Variants in CEP350 observed in about 807,000 individuals in gnomAD.
CEP350 encodes centrosome-associated protein 350.
CEP350 carries 126 observed loss-of-function variants against 331.8 expected under a neutral mutation model. The observed-to-expected ratio is 0.38, with a 90% CI of 0.33 to 0.44. CEP350 has a LOEUF of 0.44. CEP350 is among the 20% of genes least tolerant of loss of function. The pLI, the probability that CEP350 is intolerant of heterozygous loss-of-function variation, is 1.00. For synonymous variants in CEP350, 1,200 were observed against 1,259.5 expected, an observed-to-expected ratio of 0.95 and a Z score of 1.00; for missense variants, 3,406 against 3,634.6, an observed-to-expected ratio of 0.94 and a Z score of 1.62.
intron 27 of CEP350, among the ~76,000 whole-genome samples, chr1:180,065,966 C>T (rs1039017855): frequency 3.3e-5 from 5 of 152,102 alleles, no homozygotes; most frequent in Non-Finnish European, 7.4e-5. Context: ...TGGCATCTCT[C>T]AGGCTTATTC....
chr1:180,103,041 C>T (rs889013808), intron 37 of CEP350, among the ~76,000 whole-genome samples: 1 of 152,172 alleles, frequency 6.6e-6, no homozygotes, highest in South Asian at 2.1e-4. Flanking sequence ...AAAGGAAAAG[C>T]GGTGGACCGC....
intron 31 of CEP350, chr1:180,084,390 A>C (rs1659735985): frequency 2.9e-6 from 1 of 339,162 alleles, no homozygotes. Context: ...TTTGAGATGG[A>C]ATCTCGCTCT....
chr1:179,978,647 T>G (rs1652053768), intron 1 of CEP350, among the ~76,000 whole-genome samples: 1 of 152,168 alleles, frequency 6.6e-6, no homozygotes, highest in Non-Finnish European at 1.5e-5. Flanking sequence ...TAGCTTTCTG[T>G]TCCTGGCTTA....
At chr1:180,044,937 A>T (rs1488023304) in intron 21 of CEP350, among the ~76,000 whole-genome samples, 1 of 151,656 alleles carries the variant, frequency 6.6e-6, no homozygotes, top group Non-Finnish European at 1.5e-5. Flanking sequence ...ATAAATAATG[A>T]TACATCAAGG....
At chr1:180,010,769 T>A (rs1377137430) in intron 8 of CEP350, among the ~76,000 whole-genome samples, 1 of 151,672 alleles carries the variant, frequency 6.6e-6, no homozygotes, top group Non-Finnish European at 1.5e-5. Flanking sequence ...ACCCAGCTAA[T>A]TTTTTTTAAT....
Position 180,013,989 on chromosome 1 carries a change from G to A in CEP350, c.1536G>A (p.Lys512=), listed in dbSNP as rs747213951. 3.7e-6 allele frequency: 6 copies of A among 1,613,786 alleles called. No individual in the cohort carries two copies. Among genetic ancestry groups the A allele is most frequent in the Non-Finnish European group, 4.2e-6 (5 of 1,179,782 alleles). Residue 512 remains lysine (K), a synonymous_variant, in exon 10 of 38, where the codon AAG becomes AAA. Coordinates refer to ENST00000367607, the MANE Select transcript of CEP350 (RefSeq NM_014810.5). ...TAGCTTCATCTCTTCCAGATAATAA[G>A]CAGGAGGAAAATACTGCCTTAAATA... The part of the protein sequence containing the change: ...KKLASSLPDN[K]QEENTALNKD...
intron 7 of CEP350, among the ~76,000 whole-genome samples, chr1:180,005,330 G>A (rs2148764203): frequency 6.6e-6 from 1 of 151,962 alleles, no homozygotes; most frequent in East Asian, 1.9e-4. Flanking sequence ...TGCTACTCTG[G>A]TAGTGTCTCC....
At chr1:179,974,297 G>A (rs145985786) in intron 1 of CEP350, among the ~76,000 whole-genome samples, 3,161 of 152,184 alleles carry the variant, frequency 0.021, 47 homozygotes, top group Middle Eastern at 0.058. Flanking sequence ...AGCCAGGATG[G>A]TCTCGATCTC....
chr1:179,998,297 T>TATTA (rs149343354), intron 6 of CEP350, among the ~76,000 whole-genome samples: 19,744 of 145,736 alleles, frequency 0.14, 1,447 homozygotes, highest in African/African-American at 0.16. Flanking sequence ...TTGTTTCTTC[T>TATTA]ATTTTCTTTT....
At chr1:180,106,242 A>G (rs1661132918) in intron 37 of CEP350, among the ~76,000 whole-genome samples, 1 of 152,194 alleles carries the variant, frequency 6.6e-6, no homozygotes, top group African/African-American at 2.4e-5. Flanking sequence ...AGTCTCCTTT[A>G]TAGCCTGGGA....
chr1:180,016,253 G>T (rs1391682678), intron 11 of CEP350, among the ~76,000 whole-genome samples: 1 of 152,200 alleles, frequency 6.6e-6, no homozygotes, highest in Non-Finnish European at 1.5e-5. Flanking sequence ...AAGTGTGTTG[G>T]ATGAATGAAT....
intron 1 of CEP350, among the ~76,000 whole-genome samples, chr1:179,963,012 G>C (rs561314438): frequency 7.6e-4 from 116 of 152,204 alleles, no homozygotes; most frequent in African/African-American, 2.7e-3. Flanking sequence ...ATTCTGACTG[G>C]TGTGAGATGG....
At chr1:180,013,350 C>T (rs1214255554) in intron 9 of CEP350, among the ~76,000 whole-genome samples, 1 of 152,062 alleles carries the variant, frequency 6.6e-6, no homozygotes, top group Non-Finnish European at 1.5e-5. Context: ...ATTTTCAGTG[C>T]CATTATTATT....
At chr1:180,023,755 T>G (rs887522925) in intron 13 of CEP350, among the ~76,000 whole-genome samples, 2 of 152,232 alleles carry the variant, frequency 1.3e-5, no homozygotes, top group African/African-American at 4.8e-5. Flanking sequence ...CAGACTTCGT[T>G]GGAGAGAATT....
intron 11 of CEP350, among the ~76,000 whole-genome samples, chr1:180,018,470 A>G (rs1655108837): frequency 6.6e-6 from 1 of 152,190 alleles, no homozygotes; most frequent in Non-Finnish European, 1.5e-5. Flanking sequence ...CTTCCCTTGT[A>G]TTCCTATTAC....
chr1:179,959,702 C>G (rs1650444915), intron 1 of CEP350, among the ~76,000 whole-genome samples: 1 of 152,042 alleles, frequency 6.6e-6, no homozygotes, highest in African/African-American at 2.4e-5. Context: ...TGCAGTGAGC[C>G]AAGATTGCAC....
At chr1:180,080,388 A>T in intron 29 of CEP350, 129 bp from the exon 30 acceptor site, 1 of 774,796 alleles carries the variant, frequency 1.3e-6, no homozygotes, top group Non-Finnish European at 2.0e-6. Flanking sequence ...AACTTTTTTC[A>T]CTTATGTCTT....
Position 180,094,084 on chromosome 1 carries a change from A to G in CEP350, c.7979A>G (p.Gln2660Arg). The change falls in exon 34 of 38, where the codon CAG (glutamine) becomes CGG (arginine). Residue 2660 changes from glutamine to arginine, a missense_variant. Gln to Arg is a conservative substitution (Grantham distance 43). Transcript: ENST00000367607. ...CACCAGCAGTCTTCAGTGGATTCAC[A>G]GATTTCTTCAAAGGAAAACAAAGAC... ...HVHQQSSVDS[Q>R]ISSKENKDLI... 6.2e-7 allele frequency: 1 copy of G among 1,613,966 alleles called. No individual in the cohort carries two copies. The highest frequency in any genetic ancestry group is 2.2e-5 in the East Asian group (1 of 44,878).
chr1:180,054,086 C>CT (rs1406766749), intron 24 of CEP350, among the ~76,000 whole-genome samples, 152 bp downstream of exon 24: 1 of 152,156 alleles, frequency 6.6e-6, no homozygotes, highest in Non-Finnish European at 1.5e-5. Flanking sequence ...ATTTGTATTT[C>CT]TTTCAAGACC....
Sources: allele counts gnomAD v4.1 joint callset (sites outside exome capture counted in the v4.1 genomes callset), GRCh38; gene constraint gnomAD v4.1.1; transcripts MANE v1.5; gene names NCBI Gene and HGNC (gene_info 2026-07-23, HGNC 2026-07-21).